The following CLEC16A variants were observed in gnomAD, a reference collection of about 807,000 sequenced individuals.
CLEC16A encodes the protein C-type lectin domain containing 16A.
A neutral mutation model predicts 109.5 loss-of-function variants in CLEC16A; 51 were observed. The observed-to-expected ratio is 0.47, with a 90% CI of 0.37 to 0.59. The LOEUF (loss-of-function observed/expected upper bound fraction) is 0.59, where lower values mean the gene tolerates loss of function less well. CLEC16A is among the 20% of genes least tolerant of loss of function. The pLI is 0.00. For synonymous variants in CLEC16A, 673 were observed against 564.2 expected (o/e 1.19, Z -2.73); for missense variants, 1,339 against 1,394.0 (o/e 0.96, Z 0.63).
chr16:11,075,061 G>A (rs1000764948), intron 19 of CLEC16A, among the ~76,000 whole-genome samples: 4 of 152,058 alleles, frequency 2.6e-5, no homozygotes, highest in South Asian at 4.2e-4. Context: ...ACTGCACTCC[G>A]GCCTGGGCAA....
intron 19 of CLEC16A, among the ~76,000 whole-genome samples, chr16:11,091,270 A>T (rs2050288613): frequency 6.6e-6 from 1 of 152,250 alleles, no homozygotes; most frequent in African/African-American, 2.4e-5. Context: ...TTCAAAGGGT[A>T]AAAGGGAAGT....
intron 9 of CLEC16A, among the ~76,000 whole-genome samples, chr16:10,979,887 A>C (rs889288369): frequency 7.2e-5 from 11 of 152,138 alleles, no homozygotes; most frequent in Non-Finnish European, 1.6e-4. Context: ...TAGCTCTCAG[A>C]TTTGTGTCTT....
intron 1 of CLEC16A, among the ~76,000 whole-genome samples, chr16:10,953,154 A>G (rs1227653769): frequency 6.6e-6 from 1 of 152,268 alleles, no homozygotes; most frequent in East Asian, 1.9e-4. Flanking sequence ...TGCAGTAATC[A>G]GACAGTATGG....
chr16:10,979,562 T>C (rs1166718033), intron 9 of CLEC16A, among the ~76,000 whole-genome samples, 180 bp downstream of exon 9: 2 of 152,136 alleles, frequency 1.3e-5, no homozygotes, highest in Non-Finnish European at 2.9e-5. Flanking sequence ...AGGTAGTGTG[T>C]ATCTTTTTCA....
Position 10,944,604 on chromosome 16 carries a change from T to A in CLEC16A, c.-114T>A, listed in dbSNP as rs1475964742. 9.7e-7 allele frequency: 1 copy of A among 1,026,828 alleles called. No homozygotes were observed. Among genetic ancestry groups the A allele is most frequent in the Non-Finnish European group, 1.4e-6 (1 of 702,388 alleles). 63.6% of individuals were successfully genotyped at this position (1,026,828 alleles called of 1,614,324 possible). On this transcript the variant is annotated 5_prime_UTR_variant, in exon 1 of 24. Transcript: ENST00000409790. ...GCCGGGGAGGAAGGCGGCTCGCGGT[T>A]CCTCCACCGCCTCCGCCGCCGCATC... is the stretch of plus-strand genomic sequence containing the variant.
At chr16:11,054,210 G>A (rs1194545032) in intron 18 of CLEC16A, among the ~76,000 whole-genome samples, 1 of 152,238 alleles carries the variant, frequency 6.6e-6, no homozygotes, top group East Asian at 1.9e-4. Context: ...CTGGGCTGGG[G>A]CAGATGGTCC....
At chr16:10,975,104 A>C (rs1486836915) in intron 7 of CLEC16A, among the ~76,000 whole-genome samples, 3 of 152,220 alleles carry the variant, frequency 2.0e-5, no homozygotes, top group Admixed American at 2.0e-4. Flanking sequence ...GCACTTTGGG[A>C]GGCTGAGGCG....
intron 19 of CLEC16A, among the ~76,000 whole-genome samples, chr16:11,098,893 G>C (rs1156478633): frequency 6.6e-6 from 1 of 152,242 alleles, no homozygotes; most frequent in Non-Finnish European, 1.5e-5. Flanking sequence ...GTCAGACCCT[G>C]CTCATCCTCA....
At chr16:11,130,710 C>T (rs1312860390) in intron 22 of CLEC16A, among the ~76,000 whole-genome samples, 1 of 152,202 alleles carries the variant, frequency 6.6e-6, no homozygotes, top group Admixed American at 6.5e-5. Flanking sequence ...CACAATGGTG[C>T]CCCTCCCCAT....
At chr16:10,995,950 A>G (rs115497130) in intron 10 of CLEC16A, among the ~76,000 whole-genome samples, 2,241 of 152,260 alleles carry the variant, frequency 0.015, 54 homozygotes, top group African/African-American at 0.05. Context: ...GATTATCACA[A>G]CAGCTTTGAT....
At chr16:11,110,965 A>T (rs2051546435) in intron 19 of CLEC16A, among the ~76,000 whole-genome samples, 1 of 152,076 alleles carries the variant, frequency 6.6e-6, no homozygotes, top group South Asian at 2.1e-4. Flanking sequence ...CCAGCATCTT[A>T]AAGTTGTGTT....
At chr16:11,083,544 C>G (rs1351774785) in intron 19 of CLEC16A, among the ~76,000 whole-genome samples, 1 of 152,234 alleles carries the variant, frequency 6.6e-6, no homozygotes, top group African/African-American at 2.4e-5. Flanking sequence ...CACGTGACCC[C>G]AGGGCCACTC....
intron 23 of CLEC16A, among the ~76,000 whole-genome samples, chr16:11,176,129 CAG>C (rs1360495598): frequency 6.6e-6 from 1 of 152,256 alleles, no homozygotes; most frequent in Non-Finnish European, 1.5e-5. Flanking sequence ...GAGCACTGCT[CAG>C]GGAACCACAG....
chr16:10,977,613 A>T (rs913803342), intron 8 of CLEC16A, among the ~76,000 whole-genome samples: 22 of 152,250 alleles, frequency 1.4e-4, no homozygotes, highest in African/African-American at 5.1e-4. Context: ...TCCTGAATTC[A>T]AGTAATTCTC....
At chr16:11,002,982 T>G in intron 10 of CLEC16A, 92 bp from the exon 11 acceptor site, 1 of 948,716 alleles carries the variant, frequency 1.1e-6, no homozygotes, top group Non-Finnish European at 1.5e-6. Flanking sequence ...TGGAGATGAG[T>G]TTCTTAGGAC....
At chr16:11,054,351 A>C (rs761259548) in intron 18 of CLEC16A, among the ~76,000 whole-genome samples, 1 of 152,148 alleles carries the variant, frequency 6.6e-6, no homozygotes, top group Non-Finnish European at 1.5e-5. Flanking sequence ...GCCTTTCCAG[A>C]GTTATCGTGA....
intron 12 of CLEC16A, among the ~76,000 whole-genome samples, chr16:11,022,648 G>A (rs533630209): frequency 1.7e-3 from 263 of 151,976 alleles, no homozygotes; most frequent in Non-Finnish European, 2.7e-3. Flanking sequence ...GCCTGTAATC[G>A]CAGCACTTTG....
At chr16:11,177,349 C>T (rs557142306) in intron 23 of CLEC16A, among the ~76,000 whole-genome samples, 2 of 152,200 alleles carry the variant, frequency 1.3e-5, no homozygotes, top group African/African-American at 4.8e-5. Flanking sequence ...GCCTGTAATC[C>T]CAGCACTTTG....
At chr16:11,032,220 G>A (rs768764089) in intron 13 of CLEC16A, among the ~76,000 whole-genome samples, 1 of 152,222 alleles carries the variant, frequency 6.6e-6, no homozygotes, top group African/African-American at 2.4e-5. Flanking sequence ...CCTAGGGTGA[G>A]TGGCAGCATG....
Sources: gnomAD v4.1 joint callset for allele counts (sites outside exome capture counted in the v4.1 genomes callset) on GRCh38, gnomAD v4.1.1 for gene constraint, MANE v1.5 for transcripts, NCBI Gene and HGNC (gene_info 2026-07-23, HGNC 2026-07-21) for gene names.